Variants in PHF24 observed in about 807,000 individuals in gnomAD.
PHF24 encodes the protein Galpha inhibitory interacting protein.
PHF24 carries 25 observed loss-of-function variants against 42.6 expected under a neutral mutation model. That is an observed-to-expected ratio of 0.59 (90% CI 0.43 to 0.82). PHF24 has a LOEUF of 0.82. Among genes scored for constraint, PHF24 ranks in the 40% least tolerant of loss-of-function variants. The pLI is 0.00. For synonymous variants in PHF24, 185 were observed against 204.8 expected (o/e 0.90, Z 0.83); for missense variants, 470 against 538.1 (o/e 0.87, Z 1.25).
the PHF24 span, chr9:34,895,134 A>T: frequency 2.5e-6 from 1 of 398,516 alleles, no homozygotes; most frequent in South Asian, 1.3e-4. Flanking sequence ...ATTTTTTCCC[A>T]TATCTAAAAT....
the PHF24 span, among the ~76,000 whole-genome samples, chr9:34,863,370 G>T: frequency 2.2e-4 from 34 of 152,026 alleles, no homozygotes; most frequent in East Asian, 4.1e-3. Context: ...AGTCCCAGTG[G>T]TGGTGGCCAC....
At chr9:34,770,127 A>T in the PHF24 span, among the ~76,000 whole-genome samples, 2 of 152,158 alleles carry the variant, frequency 1.3e-5, no homozygotes, top group Non-Finnish European at 2.9e-5. Context: ...AAGCCAAAAG[A>T]CAAACTACAA....
At chr9:34,675,713 G>C in the PHF24 span, among the ~76,000 whole-genome samples, 1 of 152,078 alleles carries the variant, frequency 6.6e-6, no homozygotes, top group African/African-American at 2.4e-5. Context: ...CTGCAGTTTG[G>C]GTCACTCTGA....
At chr9:34,671,981 G>A in the PHF24 span, among the ~76,000 whole-genome samples, 1 of 151,896 alleles carries the variant, frequency 6.6e-6, no homozygotes, top group African/African-American at 2.4e-5. Flanking sequence ...TTCATTTATT[G>A]TTTCCCTTCA....
At chr9:34,893,238 TCCCAGTCCTGAA>T in the PHF24 span, 1 of 443,536 alleles carries the variant, frequency 2.3e-6, no homozygotes, top group Non-Finnish European at 4.0e-6. Context: ...CATTGTCCTT[TCCCAGTCCTGAA>T]AATCCTGGAG....
intron 4 of PHF24, 127 bp from the exon 5 acceptor site, chr9:34,976,408 T>A: frequency 9.0e-7 from 1 of 1,106,432 alleles, no homozygotes; most frequent in Admixed American, 2.1e-5. Context: ...TGGGTGACCC[T>A]GGCCATGGGA....
chr9:34,890,117 G>A, the PHF24 span, among the ~76,000 whole-genome samples: 2 of 152,160 alleles, frequency 1.3e-5, no homozygotes, highest in African/African-American at 4.8e-5. Flanking sequence ...AACCATCTTA[G>A]CTAAACTAAA....
the PHF24 span, among the ~76,000 whole-genome samples, chr9:34,770,734 G>A: frequency 6.6e-6 from 1 of 151,260 alleles, no homozygotes; most frequent in African/African-American, 2.5e-5. Flanking sequence ...AAGGGAAGAG[G>A]GCAACACTTT....
chr9:34,981,366 G>T, exon 8 of PHF24: 1 of 152,368 alleles, frequency 6.6e-6, no homozygotes. Flanking sequence ...CTCCTTGGGG[G>T]AGTGAGCCCC....
At chr9:34,710,418 T>C in the PHF24 span, among the ~76,000 whole-genome samples, 1 of 151,248 alleles carries the variant, frequency 6.6e-6, no homozygotes, top group Non-Finnish European at 1.5e-5. Flanking sequence ...CCAGGATCCA[T>C]ACCCTTCCCC....
chr9:34,835,914 C>G, the PHF24 span: 2 of 812,258 alleles, frequency 2.5e-6, no homozygotes, highest in African/African-American at 1.7e-5. Context: ...ATGGACTCCT[C>G]GACAAAGTTG....
chr9:34,729,446 A>G, the PHF24 span: 1 of 1,542,158 alleles, frequency 6.5e-7, no homozygotes, highest in Non-Finnish European at 8.8e-7. Context: ...CTTCATTAGC[A>G]TGAGATCAAC....
At chr9:34,721,399 T>TTCTCTCTC in the PHF24 span, among the ~76,000 whole-genome samples, 3,364 of 139,290 alleles carry the variant, frequency 0.024, 174 homozygotes, top group African/African-American at 0.085. Flanking sequence ...TGTCTTTCCA[T>TTCTCTCTC]TCTCTCTCTC....
At chr9:34,883,735 G>A in the PHF24 span, among the ~76,000 whole-genome samples, 2 of 152,202 alleles carry the variant, frequency 1.3e-5, no homozygotes. Context: ...GAGAGGATGT[G>A]GAGAAATAGG....
At chr9:34,847,241 G>A in the PHF24 span, among the ~76,000 whole-genome samples, 1 of 152,176 alleles carries the variant, frequency 6.6e-6, no homozygotes, top group Admixed American at 6.5e-5. Flanking sequence ...AACATGGAAT[G>A]TTCTTCCATT....
At chr9:34,907,632 C>T in the PHF24 span, among the ~76,000 whole-genome samples, 6 of 152,128 alleles carry the variant, frequency 3.9e-5, no homozygotes, top group African/African-American at 1.2e-4. Flanking sequence ...CAACATTTAT[C>T]GGTAAAAGGC....
the PHF24 span, among the ~76,000 whole-genome samples, chr9:34,810,834 A>G: frequency 1.3e-5 from 2 of 152,094 alleles, no homozygotes; most frequent in Admixed American, 6.5e-5. Context: ...GCTGCATTTT[A>G]GTGGAGGTAG....
At chr9:34,710,285 A>G in the PHF24 span, among the ~76,000 whole-genome samples, 4 of 152,202 alleles carry the variant, frequency 2.6e-5, no homozygotes, top group African/African-American at 9.6e-5. Context: ...CAGCTGCCAA[A>G]TTTTATGTCC....
the PHF24 span, among the ~76,000 whole-genome samples, chr9:34,719,043 C>CT: frequency 2.6e-5 from 4 of 152,036 alleles, no homozygotes; most frequent in Admixed American, 1.3e-4. Context: ...TTTCTTTTTT[C>CT]TTTTTTGAGA....
Sources: allele counts gnomAD v4.1 joint callset (sites outside exome capture counted in the v4.1 genomes callset), GRCh38; gene constraint gnomAD v4.1.1; transcripts MANE v1.5; gene names NCBI Gene and HGNC (gene_info 2026-07-23, HGNC 2026-07-21).